Variants in FLNC observed in about 807,000 individuals in gnomAD.
FLNC encodes filamin-C.
Under a neutral mutation model 254.3 loss-of-function variants are expected in FLNC, and 91 were observed. That is an observed-to-expected ratio of 0.36 (90% CI 0.30 to 0.43). The LOEUF (loss-of-function observed/expected upper bound fraction) is 0.43. Ranked by LOEUF, FLNC falls within the 20% of genes least tolerant of loss-of-function variation. FLNC has a pLI of 1.00. For synonymous variants in FLNC, 1,430 were observed against 1,577.2 expected, an observed-to-expected ratio of 0.91 and a Z score of 2.21; for missense variants, 2,853 against 3,802.6, an observed-to-expected ratio of 0.75 and a Z score of 6.57.
intron 35 of FLNC, 106 bp from the exon 36 acceptor site, chr7:128,852,485 C>T (rs367956966): frequency 2.4e-4 from 323 of 1,325,466 alleles, no homozygotes; most frequent in African/African-American, 4.5e-4. Flanking sequence ...AGTGGCCCCC[C>T]GTGTCTGTTG....
In FLNC at chr7:128,842,183, G is replaced by A. The variant is rs1217347788; in HGVS notation, c.2122-48G>A. 20 of 1,599,122 alleles carry A rather than the reference G, an allele frequency of 1.3e-5. No individual in the cohort carries two copies. Among genetic ancestry groups the A allele is most frequent in the Admixed American group, 1.7e-5 (1 of 59,062 alleles). ...GGTTCACCTGCGGCCAGCAGAGGGC[G>A]CTCTGCAGAGGCCACAGCTATGAAC... On this transcript the variant is annotated intron_variant, in intron 13 of 47. Coordinates refer to ENST00000325888, the MANE Select transcript of FLNC (RefSeq NM_001458.5). This position sits in a 1 kb window ranked among gnomAD's most constrained non-coding sequence, Gnocchi z 5.4.
At chr7:128,855,042 C>G in intron 42 of FLNC, 130 bp downstream of exon 42, 1 of 1,104,854 alleles carries the variant, frequency 9.1e-7, no homozygotes, top group South Asian at 1.2e-5. Flanking sequence ...TCTTCCTCTG[C>G]CCCGTCTCCC....
Position 128,840,152 on chromosome 7 carries a change from A to C in FLNC, c.1541A>C (p.Lys514Thr), listed in dbSNP as rs375881193. Residue 514 changes from lysine to threonine, a missense_variant, in exon 9 of 48, where the codon AAG becomes ACG. Physicochemically the swap from Lys to Thr is moderately conservative, Grantham distance 78. Transcript: ENST00000325888. ...AGCGGGGAGCTCAAGGTCACGGTCA[A>C]GGGGCCAAGTGAGTGCCAGAGCCCA... ...AGSGELKVTV[K>T]GPKGTEEPVK... 3.1e-6 allele frequency: 5 copies of C among 1,613,858 alleles called. No individual in the cohort carries two copies. Among genetic ancestry groups the C allele is most frequent in the Non-Finnish European group, 4.2e-6 (5 of 1,180,004 alleles).
intron 18 of FLNC, 59 bp downstream of exon 18, chr7:128,843,636 C>T (rs1808434651): frequency 6.3e-7 from 1 of 1,588,830 alleles, no homozygotes; most frequent in Non-Finnish European, 8.6e-7. Context: ...CTGGGTCTCC[C>T]TCCTCCAGTC....
In FLNC at chr7:128,836,010, TC is replaced by T. The variant is rs1379220261; in HGVS notation, c.601+438del. ...ACTTGTAGCAAGACCAGGAGTTAGA[TC>T]CAGAGAAGGCTCTTCTCTGGGAGAC... On this transcript the variant is annotated intron_variant, in intron 2 of 47. Transcript: ENST00000325888. This position sits in a 1 kb window ranked among gnomAD's most constrained non-coding sequence, Gnocchi z 6.0. Among the ~76,000 whole-genome samples, 1 of 152,122 alleles carries T rather than the reference TC, an allele frequency of 6.6e-6. No individual in the cohort carries two copies. The highest frequency in any genetic ancestry group is 2.4e-5 in the African/African-American group (1 of 41,414).
rs562101000 is a variant in FLNC, at chr7:128,849,539, C to T, written c.5160C>T (p.Phe1720=). The T allele has an allele frequency of 1.7e-5, 27 of 1,614,144 alleles. 1 individual carries two copies. The Admixed American group carries it at 1.8e-4, about 11-fold the overall frequency. ...GCAAGTACGTCATCACCATCCGCTTCGGGGGTGAGCACATCCCCAACAGCC... is the reference window on the plus strand; with the variant it reads ...GCAAGTACGTCATCACCATCCGCTTTGGGGGTGAGCACATCCCCAACAGCC... ...EPGKYVITIR[F]GGEHIPNSPF... The change falls in exon 30 of 48, where the codon TTC becomes TTT. Residue 1720 remains phenylalanine (F), a synonymous_variant. Coordinates refer to ENST00000325888, the MANE Select transcript of FLNC (RefSeq NM_001458.5).
In FLNC at chr7:128,856,898, C is replaced by T; in HGVS notation, c.7538C>T (p.Pro2513Leu). Reference protein sequence around the residue: ...GDPGLVSAYGPGLEGGTTGVS... With the variant: ...GDPGLVSAYGLGLEGGTTGVS... Reference sequence around the variant, plus strand: ...CCAGGCTTGGTGTCAGCCTACGGTCCTGGGCTCGAGGGAGGCACTACCGGT... The same window carrying T: ...CCAGGCTTGGTGTCAGCCTACGGTCTTGGGCTCGAGGGAGGCACTACCGGT... Residue 2513 changes from proline (P) to leucine (L), a missense_variant, in exon 45 of 48, where the codon CCT becomes CTT. This residue lies in a region of FLNC where 197 missense variants were observed against 351.5 expected (regional missense o/e 0.56). Transcript: ENST00000325888. The surrounding 1 kb of genome is among the most constrained non-coding windows in gnomAD (Gnocchi z 5.9). 6.2e-7 allele frequency: 1 copy of T among 1,614,114 alleles called. No individual in the cohort carries two copies. Among genetic ancestry groups the T allele is most frequent in the Non-Finnish European group, 8.5e-7 (1 of 1,180,012 alleles).
chr7:128,837,970 T>A lies in FLNC; in HGVS notation c.970-17T>A, dbSNP rs1201675982. 6.2e-7 allele frequency: 1 copy of A among 1,611,192 alleles called. No homozygotes were observed. Among genetic ancestry groups the A allele is most frequent in the Non-Finnish European group, 8.5e-7 (1 of 1,177,460 alleles). ...ATGGTCATTGGAGAGGCTTCCAATC[T>A]TTTTCCTTCCTAATAGGCTAAGGTG... On this transcript the variant is annotated splice_polypyrimidine_tract_variant and intron_variant, in intron 5 of 47. Transcript: ENST00000325888.
rs771843379 is a variant in FLNC at position 128,842,246 on chromosome 7, C to G, written c.2137C>G (p.Pro713Ala). Residue 713 changes from proline (P) to alanine (A), a missense_variant, in exon 14 of 48, where the codon CCC becomes GCC. Pro to Ala is a conservative substitution (Grantham distance 27). Transcript: ENST00000325888. This position sits in a 1 kb window ranked among gnomAD's most constrained non-coding sequence, Gnocchi z 5.4. Reference sequence around the variant, plus strand: ...ATGCCCACAGGACGCCGACGGCTGTCCCATCGACATCAAGGTGATCCCCAA... The same window carrying G: ...ATGCCCACAGGACGCCGACGGCTGTGCCATCGACATCAAGGTGATCCCCAA... ...KLYAQDADGC[P>A]IDIKVIPNGD... The G allele has an allele frequency of 6.2e-7, 1 of 1,613,752 alleles. No homozygotes were observed. The highest frequency in any genetic ancestry group is 1.7e-5 in the Admixed American group (1 of 60,028).
chr7:128,835,722 G>GAGAGCCACAGC lies in FLNC; in HGVS notation c.601+148_601+149insAGAGCCACAGC. ...CTGCAGGGTTTGTCCTCCTCCAGCT[G>GAGAGCCACAGC]TGGCTCTCCGCTGGCTGGTGGCAGG... is the stretch of plus-strand genomic sequence containing the variant. On this transcript the variant is annotated intron_variant, in intron 2 of 47. Transcript: ENST00000325888. This position sits in a 1 kb window ranked among gnomAD's most constrained non-coding sequence, Gnocchi z 5.3. The GAGAGCCACAGC allele has an allele frequency of 1.2e-6, 1 of 867,684 alleles. No homozygotes were observed. The highest frequency in any genetic ancestry group is 1.8e-6 in the Non-Finnish European group (1 of 553,760). 53.7% of individuals were successfully genotyped at this position (867,684 alleles called of 1,614,324 possible).
chr7:128,850,397 C>A lies in FLNC; in HGVS notation c.5312C>A (p.Pro1771Gln). 1 of 1,613,968 alleles carries A rather than the reference C, an allele frequency of 6.2e-7. No homozygotes were observed. The highest frequency in any genetic ancestry group is 8.5e-7 in the Non-Finnish European group (1 of 1,179,902). The change falls in exon 32 of 48, where the codon CCA (proline) becomes CAA (glutamine). Residue 1771 changes from proline (P) to glutamine (Q), a missense_variant. This residue lies in a region of FLNC where 258 missense variants were observed against 312.3 expected (regional missense o/e 0.83). Coordinates refer to ENST00000325888, the MANE Select transcript of FLNC (RefSeq NM_001458.5). Reference protein sequence around the residue: ...ARPTHWATEEPVVPVEPMESM... With the variant: ...ARPTHWATEEQVVPVEPMESM... ...CACCTGCTGCAGGCCACAGAGGAGC[C>A]AGTGGTGCCTGTGGAGCCAATGGAG... is the stretch of plus-strand genomic sequence containing the variant.
At chr7:128,845,363 G>C in intron 21 of FLNC, 108 bp downstream of exon 21, 1 of 898,044 alleles carries the variant, frequency 1.1e-6, no homozygotes, top group Non-Finnish European at 1.8e-6. Flanking sequence ...AACCTGGGGT[G>C]AAGGGAGGGC....
At position 128,850,796 on chromosome 7, in the gene FLNC, C is replaced by T. The variant is rs764300892; in HGVS notation, c.5399-7C>T. 2 of 1,613,686 alleles carry T rather than the reference C, an allele frequency of 1.2e-6. No individual in the cohort carries two copies. Among genetic ancestry groups the T allele is most frequent in the South Asian group, 2.2e-5 (2 of 91,060 alleles). Reference sequence around the variant, plus strand: ...AGGGTCTCCACGTAACTGTGTCTGCCCTGCAGGAGAGGTGCGGATGCCCTC... The same window carrying T: ...AGGGTCTCCACGTAACTGTGTCTGCTCTGCAGGAGAGGTGCGGATGCCCTC... On this transcript the variant is annotated splice_polypyrimidine_tract_variant and splice_region_variant and intron_variant, in intron 32 of 47. Transcript: ENST00000325888.
intron 6 of FLNC, 22 bp downstream of exon 6, chr7:128,838,086 T>G: frequency 1.3e-6 from 2 of 1,596,100 alleles, no homozygotes; most frequent in Non-Finnish European, 1.7e-6. Flanking sequence ...TAGGCCCCCC[T>G]GCCTGCGCTG....
intron 33 of FLNC, 48 bp downstream of exon 33, chr7:128,850,991 C>A (rs532931135): frequency 1.3e-6 from 2 of 1,599,470 alleles, no homozygotes; most frequent in African/African-American, 1.3e-5. Context: ...GAGGAGCAGG[C>A]CGTAGCTTCA....
At position 128,835,305 on chromosome 7, in the gene FLNC, T is replaced by G. The variant is rs753981849; in HGVS notation, c.353-21T>G. On this transcript the variant is annotated intron_variant, in intron 1 of 47. Transcript: ENST00000325888. The surrounding 1 kb of genome is among the most constrained non-coding windows in gnomAD (Gnocchi z 5.3). ...GGAGGGTGGGGCGCCCCTGAGCCCG[T>G]CTGTGCCCTCCCCTCTGCAGACAGC... 5.6e-6 allele frequency: 9 copies of G among 1,612,460 alleles called. No homozygotes were observed. Among genetic ancestry groups the G allele is most frequent in the Non-Finnish European group, 7.6e-6 (9 of 1,179,950 alleles).
intron 20 of FLNC, 31 bp downstream of exon 20, chr7:128,844,297 A>G: frequency 1.3e-6 from 2 of 1,582,922 alleles, no homozygotes; most frequent in Non-Finnish European, 1.7e-6. Context: ...TGGGGCTGGG[A>G]GTTGGGGACT....
chr7:128,842,252 G>C lies in FLNC; in HGVS notation c.2143G>C (p.Asp715His), dbSNP rs770037118. The C allele has an allele frequency of 6.2e-7, 1 of 1,613,706 alleles. No homozygotes were observed. The highest frequency in any genetic ancestry group is 2.2e-5 in the East Asian group (1 of 44,876). ...ACAGGACGCCGACGGCTGTCCCATC[G>C]ACATCAAGGTGATCCCCAACGGCGA... ...YAQDADGCPIDIKVIPNGDGT... is the reference protein window; with the variant it reads ...YAQDADGCPIHIKVIPNGDGT... The change falls in exon 14 of 48, where the codon GAC (aspartate) becomes CAC (histidine). Residue 715 changes from aspartate (D) to histidine (H), a missense_variant. Coordinates refer to ENST00000325888, the MANE Select transcript of FLNC (RefSeq NM_001458.5). This position sits in a 1 kb window ranked among gnomAD's most constrained non-coding sequence, Gnocchi z 5.4.
chr7:128,849,655 G>A, intron 30 of FLNC, 77 bp downstream of exon 30: 1 of 1,559,778 alleles, frequency 6.4e-7, no homozygotes, highest in Admixed American at 1.7e-5. Flanking sequence ...AGGGATCCCA[G>A]ATAACTGTCC....
Sources: gnomAD v4.1 joint callset for allele counts (sites outside exome capture counted in the v4.1 genomes callset) on GRCh38, gnomAD v4.1.1 for gene constraint, gnomAD v4.1.1 regional missense constraint, Gnocchi (gnomAD v3.1) non-coding constraint, MANE v1.5 for transcripts, NCBI Gene and HGNC (gene_info 2026-07-23, HGNC 2026-07-21) for gene names.